The following NREP variants were observed in gnomAD, a reference collection of about 807,000 sequenced individuals.
NREP encodes the protein neuronal regeneration related protein.
A neutral mutation model predicts 8.6 loss-of-function variants in NREP; 5 were observed. The observed-to-expected ratio is 0.58, with a 90% CI of 0.30 to 1.22. The LOEUF (loss-of-function observed/expected upper bound fraction) is 1.22, where lower values mean the gene tolerates loss of function less well. Ranked by LOEUF, NREP falls within the 50% of genes most tolerant of loss-of-function variation. NREP has a pLI of 0.07. For missense variants in NREP, 86 were observed against 82.5 expected (o/e 1.04, Z -0.17); for synonymous variants, 27 against 28.0 (o/e 0.96, Z 0.11).
chr5:111,897,037 C>T (rs909518711), intron 2 of NREP, among the ~76,000 whole-genome samples: 1 of 152,084 alleles, frequency 6.6e-6, no homozygotes, highest in African/African-American at 2.4e-5. Flanking sequence ...ACAGGGGTCA[C>T]TCTATTAGAT....
At chr5:111,887,725 A>T (rs1290059031) in intron 2 of NREP, among the ~76,000 whole-genome samples, 1 of 152,118 alleles carries the variant, frequency 6.6e-6, no homozygotes, top group Admixed American at 6.6e-5. Flanking sequence ...TACCCAGGAA[A>T]CTCGAACTTT....
At chr5:111,785,016 C>G (rs6594537) in intron 2 of NREP, among the ~76,000 whole-genome samples, 150,175 of 152,232 alleles carry the variant, frequency 0.99, 74,108 homozygotes, top group East Asian at 1. Context: ...TGGAGTTATA[C>G]AGTCATTGAC....
chr5:111,795,149 T>C (rs1751847214), intron 2 of NREP, among the ~76,000 whole-genome samples: 1 of 152,232 alleles, frequency 6.6e-6, no homozygotes, highest in African/African-American at 2.4e-5. Flanking sequence ...ATTGTGTTTC[T>C]ATTTTGCTTT....
chr5:111,821,001 A>C (rs1475948667), intron 2 of NREP, among the ~76,000 whole-genome samples: 3 of 152,206 alleles, frequency 2.0e-5, no homozygotes, highest in African/African-American at 4.8e-5. Context: ...AGTCCTCTGA[A>C]TCCCCAGTCT....
chr5:111,772,416 C>T (rs1751252662), intron 2 of NREP, among the ~76,000 whole-genome samples: 2 of 152,002 alleles, frequency 1.3e-5, no homozygotes, highest in Non-Finnish European at 2.9e-5. Context: ...TTGAGATTTT[C>T]ATCATTAATA....
In NREP at chr5:111,916,139, A is replaced by G. The variant is rs554374567; in HGVS notation, c.135+59135T>C. On this transcript the variant is annotated intron_variant, in intron 2 of 3. Coordinates refer to the NREP transcript ENST00000395634. ...TTTCAGCTGATTCATATCATATGAG[A>G]TATATATTATATATAGTATATAGTG... Among the ~76,000 whole-genome samples, 15 of 152,164 alleles carry G rather than the reference A, an allele frequency of 9.9e-5. No homozygotes were observed. In the South Asian group the frequency reaches 1.5e-3, roughly 15 times the overall value.
chr5:111,757,321 G>A (rs1200063561), upstream of NREP: 1 of 801,862 alleles, frequency 1.2e-6, no homozygotes, highest in Admixed American at 6.2e-5. Flanking sequence ...AACCCAAACC[G>A]GCTTCACTTC....
intron 2 of NREP, among the ~76,000 whole-genome samples, chr5:111,881,808 A>T (rs999622950): frequency 6.6e-6 from 1 of 152,158 alleles, no homozygotes; most frequent in Non-Finnish European, 1.5e-5. Context: ...CAGAAAGGAC[A>T]TCCACACCAA....
intron 2 of NREP, among the ~76,000 whole-genome samples, chr5:111,794,816 GT>G (rs1444664440): frequency 6.6e-6 from 1 of 152,060 alleles, no homozygotes; most frequent in African/African-American, 2.4e-5. Context: ...GAACCCTAAT[GT>G]AAACGATGGC....
At chr5:111,776,957 G>A (rs34473081) in intron 2 of NREP, among the ~76,000 whole-genome samples, 88,682 of 147,874 alleles carry the variant, frequency 0.6, 26,319 homozygotes, top group East Asian at 0.82. Context: ...ATACCTCAAT[G>A]AAAAAGTAAA....
chr5:111,874,453 T>G (rs1045788663), intron 2 of NREP, among the ~76,000 whole-genome samples: 1 of 152,146 alleles, frequency 6.6e-6, no homozygotes, highest in African/African-American at 2.4e-5. Context: ...TCCACTAGAG[T>G]TGTTCCTTGC....
At chr5:111,742,103 T>C (rs374736431) in intron 2 of NREP, among the ~76,000 whole-genome samples, 4 of 152,304 alleles carry the variant, frequency 2.6e-5, no homozygotes, top group Admixed American at 6.5e-5. Flanking sequence ...GTTAAACCCA[T>C]TGGCATTAGC....
intron 2 of NREP, among the ~76,000 whole-genome samples, chr5:111,815,641 T>C (rs1477631293): frequency 6.6e-6 from 1 of 152,028 alleles, no homozygotes; most frequent in Non-Finnish European, 1.5e-5. Context: ...AGACTCGGCA[T>C]AAGACTCGGC....
chr5:111,969,090 A>G (rs1477138799), intron 2 of NREP, among the ~76,000 whole-genome samples: 2 of 152,244 alleles, frequency 1.3e-5, no homozygotes, highest in Non-Finnish European at 2.9e-5. Flanking sequence ...GACATTTAGG[A>G]GGATCTGTAA....
intron 2 of NREP, among the ~76,000 whole-genome samples, chr5:111,810,926 T>C (rs992040459): frequency 1.3e-5 from 2 of 152,180 alleles, no homozygotes; most frequent in African/African-American, 4.8e-5. Flanking sequence ...TATTCAAAAT[T>C]ACTTGGCTTA....
At chr5:111,910,615 A>G (rs972046400) in intron 2 of NREP, among the ~76,000 whole-genome samples, 9 of 152,044 alleles carry the variant, frequency 5.9e-5, no homozygotes, top group African/African-American at 1.7e-4. Context: ...CTTGCCGAGT[A>G]TGGGTTTAGG....
chr5:111,749,161 T>C (rs1232462734), intron 2 of NREP, among the ~76,000 whole-genome samples: 1 of 152,108 alleles, frequency 6.6e-6, no homozygotes, highest in African/African-American at 2.4e-5. Flanking sequence ...TTCATATAGT[T>C]CCTGGCTTAT....
At chr5:111,919,188 G>T (rs1381510782) in intron 2 of NREP, among the ~76,000 whole-genome samples, 1 of 152,022 alleles carries the variant, frequency 6.6e-6, no homozygotes, top group East Asian at 1.9e-4. Flanking sequence ...ACCATCTCAT[G>T]CCAGTTAGAA....
chr5:111,961,801 T>C (rs1020808616), intron 2 of NREP, among the ~76,000 whole-genome samples: 1 of 152,162 alleles, frequency 6.6e-6, no homozygotes, highest in African/African-American at 2.4e-5. Context: ...AGCAACAACA[T>C]AAACACATGA....
Sources: gnomAD v4.1 joint callset for allele counts (sites outside exome capture counted in the v4.1 genomes callset) on GRCh38, gnomAD v4.1.1 for gene constraint, MANE v1.5 for transcripts, NCBI Gene and HGNC (gene_info 2026-07-23, HGNC 2026-07-21) for gene names.